The following PALS1 variants were observed in gnomAD, a reference collection of about 807,000 sequenced individuals.
PALS1 encodes the protein protein associated with LIN7 1, MAGUK p55 family member.
PALS1 carries 31 observed loss-of-function variants against 78.9 expected under a neutral mutation model. The ratio of observed to expected loss-of-function variants is 0.39; its 90% CI spans 0.30 to 0.53. The LOEUF is 0.53. PALS1 is among the 20% of genes least tolerant of loss of function. The probability of loss-of-function intolerance (pLI) is 0.67; values close to 1 mark genes in which losing one functional copy is unlikely to be tolerated. For missense variants in PALS1, 704 were observed against 826.5 expected (o/e 0.85, Z 1.82); for synonymous variants, 276 against 270.9 (o/e 1.02, Z -0.18).
intron 9 of PALS1, among the ~76,000 whole-genome samples, chr14:67,314,226 T>C (rs1208737204): frequency 1.3e-5 from 2 of 152,158 alleles, no homozygotes; most frequent in Non-Finnish European, 2.9e-5. Flanking sequence ...CTGAGAAATA[T>C]TGACTATGAG....
rs1322704233 is a variant in PALS1 at position 67,281,591 on chromosome 14, C to T, written c.367+2054C>T. On this transcript the variant is annotated intron_variant, in intron 3 of 14. Coordinates refer to ENST00000261681, the MANE Select transcript of PALS1 (RefSeq NM_022474.4). ...TATCCAGTGCAAACCTGGATTGATT[C>T]TTCTGTTTTTCTGTTTACATTCCCT... 4.6e-5 allele frequency among the ~76,000 whole-genome samples: 7 copies of T among 152,078 alleles called. No individual in the cohort carries two copies. In the South Asian group the frequency reaches 1.2e-3, roughly 27 times the overall value.
intron 12 of PALS1, 133 bp from the exon 13 acceptor site, chr14:67,320,924 G>T: frequency 1.4e-6 from 1 of 710,540 alleles, no homozygotes; most frequent in Non-Finnish European, 2.4e-6. Flanking sequence ...AAACATGTAG[G>T]CACTTAGCAT....
intron 12 of PALS1, among the ~76,000 whole-genome samples, chr14:67,320,833 T>C (rs1297122816): frequency 6.6e-6 from 1 of 151,866 alleles, no homozygotes; most frequent in Non-Finnish European, 1.5e-5. Flanking sequence ...TAAAATGTAT[T>C]GAGATAAATA....
intron 1 of PALS1, among the ~76,000 whole-genome samples, chr14:67,268,592 TA>T (rs1258510911): frequency 6.6e-6 from 1 of 152,188 alleles, no homozygotes; most frequent in Non-Finnish European, 1.5e-5. Context: ...TTAGACCATA[TA>T]GGGTGACTTC....
intron 1 of PALS1, among the ~76,000 whole-genome samples, chr14:67,266,583 C>T (rs1399635329): frequency 6.6e-6 from 1 of 152,060 alleles, no homozygotes; most frequent in Non-Finnish European, 1.5e-5. Flanking sequence ...GCCTCGGCCT[C>T]CCAAAGTGTT....
In PALS1 at chr14:67,312,673, G is replaced by A; in HGVS notation, c.1188G>A (p.Gly396=). The A allele has an allele frequency of 6.2e-7, 1 of 1,611,722 alleles. No homozygotes were observed. Among genetic ancestry groups the A allele is most frequent in the South Asian group, 1.1e-5 (1 of 90,608 alleles). ...ACTGGTGGCAGGCCTACAGGGAAGG[G>A]GACGAAGATAATCAACCTCTAGCCG... is the stretch of plus-strand genomic sequence containing the variant. ...DPNWWQAYRE[G]DEDNQPLAGL... The change falls in exon 9 of 15, where the codon GGG becomes GGA. Residue 396 remains glycine, a synonymous_variant. Coordinates refer to ENST00000261681, the MANE Select transcript of PALS1 (RefSeq NM_022474.4).
At position 67,321,065 on chromosome 14, in the gene PALS1, C is replaced by T. The variant is rs769662921; in HGVS notation, c.1546C>T (p.Arg516Trp). Residue 516 changes from arginine (R) to tryptophan (W), a missense_variant, in exon 13 of 15, where the codon CGG (arginine) becomes TGG (tryptophan). Physicochemically the swap from Arg to Trp is moderately radical, Grantham distance 101. Coordinates refer to ENST00000261681, the MANE Select transcript of PALS1 (RefSeq NM_022474.4). The stretch of plus-strand genomic sequence containing the variant: ...TGATTTTGTTTGCCTAGATACAACC[C>T]GGAGTAGGCGAGACCAAGAAGTAGC... ...RFASAVPHTT[R>W]SRRDQEVAGR... The T allele has an allele frequency of 3.1e-6, 5 of 1,613,846 alleles. No individual in the cohort carries two copies. The highest frequency in any genetic ancestry group is 1.3e-5 in the African/African-American group (1 of 74,892).
intron 1 of PALS1, 150 bp downstream of exon 1, chr14:67,241,683 G>C (rs1391130466): frequency 2.0e-5 from 3 of 152,330 alleles, no homozygotes; most frequent in African/African-American, 7.2e-5. Flanking sequence ...CAGCCAGGCG[G>C]GCTTCCTCAG....
chr14:67,284,773 A>G (rs1190059033), intron 3 of PALS1, among the ~76,000 whole-genome samples: 13 of 151,968 alleles, frequency 8.6e-5, no homozygotes, highest in Admixed American at 8.5e-4. Flanking sequence ...GCCTCTTTTC[A>G]CTTACCATTA....
intron 4 of PALS1, among the ~76,000 whole-genome samples, chr14:67,294,219 A>G (rs2084812398): frequency 1.3e-5 from 2 of 152,180 alleles, no homozygotes; most frequent in South Asian, 4.1e-4. Context: ...TAGAGTAACT[A>G]TAGTGTCTTC....
chr14:67,269,301 C>A (rs968549240), intron 1 of PALS1, among the ~76,000 whole-genome samples: 2 of 151,910 alleles, frequency 1.3e-5, no homozygotes, highest in Non-Finnish European at 2.9e-5. Flanking sequence ...TTTGCTATTA[C>A]GAATACTGCT....
intron 3 of PALS1, among the ~76,000 whole-genome samples, chr14:67,283,458 C>G (rs1358143356): frequency 6.6e-6 from 1 of 152,178 alleles, no homozygotes; most frequent in Admixed American, 6.5e-5. Flanking sequence ...TTCAAGCCAA[C>G]AGACAAAATC....
At chr14:67,261,112 C>T (rs948026318) in intron 1 of PALS1, among the ~76,000 whole-genome samples, 2 of 152,074 alleles carry the variant, frequency 1.3e-5, no homozygotes, top group African/African-American at 4.8e-5. Context: ...ATGTCAGGTG[C>T]TTAGCATAGT....
At chr14:67,309,453 T>C (rs1212742448) in intron 8 of PALS1, among the ~76,000 whole-genome samples, 1 of 152,168 alleles carries the variant, frequency 6.6e-6, no homozygotes, top group Non-Finnish European at 1.5e-5. Flanking sequence ...AAGAGCTTTT[T>C]CTCTTAATTT....
intron 1 of PALS1, among the ~76,000 whole-genome samples, chr14:67,268,255 T>C (rs901751267): frequency 6.6e-6 from 1 of 152,200 alleles, no homozygotes; most frequent in Non-Finnish European, 1.5e-5. Flanking sequence ...GCCATTTTCT[T>C]GTTTGTAGTG....
At chr14:67,314,970 T>C (rs1216337284) in intron 9 of PALS1, among the ~76,000 whole-genome samples, 27 of 152,156 alleles carry the variant, frequency 1.8e-4, no homozygotes, top group Admixed American at 1.8e-3. Flanking sequence ...TAGCTGGGCA[T>C]GGTGGTGCGT....
Position 67,251,698 on chromosome 14 carries a change from G to C in PALS1, c.-237+10165G>C, listed in dbSNP as rs1327965496. Among the ~76,000 whole-genome samples the C allele has an allele frequency of 2.6e-5, 4 of 152,328 alleles. No individual in the cohort carries two copies. The South Asian group carries it at 8.3e-4, about 32-fold the overall frequency. ...AAATATATATTTGGTCTTTGTCCCTGACAGCTGACCTAGAGCTTCTAAATC... is the reference window on the plus strand; with the variant it reads ...AAATATATATTTGGTCTTTGTCCCTCACAGCTGACCTAGAGCTTCTAAATC... On this transcript the variant is annotated intron_variant, in intron 1 of 14. Coordinates refer to ENST00000261681, the MANE Select transcript of PALS1 (RefSeq NM_022474.4).
rs1352235657 is a variant in PALS1 at position 67,279,233 on chromosome 14, T to G, written c.63T>G (p.Val21=). The G allele has an allele frequency of 6.2e-7, 1 of 1,612,854 alleles. No homozygotes were observed. Among genetic ancestry groups the G allele is most frequent in the East Asian group, 2.2e-5 (1 of 44,858 alleles). ...TEESDSEVKN[V]DLASPEEHQK... ...AATCAGACAGCGAAGTAAAAAATGT[T>G]GATCTTGCATCACCAGAGGAACATC... The change falls in exon 3 of 15, where the codon GTT becomes GTG. Residue 21 remains valine, a synonymous_variant. Transcript: ENST00000261681.
chr14:67,308,146 G>A (rs2085033329), intron 8 of PALS1, among the ~76,000 whole-genome samples: 1 of 151,660 alleles, frequency 6.6e-6, no homozygotes, highest in African/African-American at 2.4e-5. Context: ...TTAATACCTG[G>A]GTGATGAAAT....
Sources: allele counts gnomAD v4.1 joint callset (sites outside exome capture counted in the v4.1 genomes callset), GRCh38; gene constraint gnomAD v4.1.1; transcripts MANE v1.5; gene names NCBI Gene and HGNC (gene_info 2026-07-23, HGNC 2026-07-21).